ARSF: variants seen among roughly 807,000 people sequenced by gnomAD.
ARSF encodes the protein arylsulfatase F.
In ARSF, 33 loss-of-function variants were observed where a neutral mutation model predicts 35.4. The observed-to-expected ratio is 0.93, with a 90% CI of 0.71 to 1.25. The LOEUF (loss-of-function observed/expected upper bound fraction) is 1.25, where lower values mean the gene tolerates loss of function less well. Among genes scored for constraint, ARSF ranks in the 50% most tolerant of loss-of-function variants. The pLI is 0.00. For missense variants in ARSF, 501 were observed against 480.2 expected (o/e 1.04, Z -0.40); for synonymous variants, 222 against 193.1 (o/e 1.15, Z -1.24).
chrX:3,043,944 C>T (rs767078749), intron 1 of ARSF, among the ~76,000 whole-genome samples: 27 of 110,621 alleles, frequency 2.4e-4, no homozygotes, highest in Non-Finnish European at 4.2e-4. Flanking sequence ...TACTATCTCG[C>T]CCAGCTAATT....
chrX:3,109,780 AGG>A (rs965560475), intron 9 of ARSF, among the ~76,000 whole-genome samples: 2 of 112,365 alleles, frequency 1.8e-5, no homozygotes, highest in African/African-American at 6.5e-5. Flanking sequence ...ATTTTTTCAA[AGG>A]GTAGCAATAT....
At chrX:3,092,044 A>C (rs2090295626) in intron 7 of ARSF, among the ~76,000 whole-genome samples, 1 of 111,170 alleles carries the variant, frequency 9.0e-6, no homozygotes, top group Non-Finnish European at 1.9e-5. Flanking sequence ...GGATAGATAT[A>C]TAGATAAGTA....
At chrX:3,076,503 C>T (rs1414867386) in intron 3 of ARSF, 45 bp from the exon 4 acceptor site, 2 of 1,159,145 alleles carry the variant, frequency 1.7e-6, no homozygotes, top group Admixed American at 2.6e-5. Flanking sequence ...CCCCCGCCCC[C>T]CACCTTTTCC....
chrX:3,040,330 C>A (rs1308312018), upstream of ARSF, among the ~76,000 whole-genome samples: 1 of 111,102 alleles, frequency 9.0e-6, no homozygotes, highest in African/African-American at 3.3e-5. Flanking sequence ...GGTTTCTCCT[C>A]CAGTGGAACC....
Position 3,084,758 on chromosome X carries a change from A to G in ARSF, c.830+92A>G, listed in dbSNP as rs989933249. The G allele has an allele frequency of 1.2e-5, 11 of 882,649 alleles. No homozygotes were observed. In the African/African-American group the frequency reaches 2.2e-4, roughly 18 times the overall value. The allele number at this position is 882,649 out of a possible 1,213,427, so 72.7% of individuals were successfully genotyped here. A position where few individuals can be genotyped will look rare whatever the true frequency, so the allele number is the denominator to read the frequency against. On this transcript the variant is annotated intron_variant, in intron 6 of 10. Coordinates refer to ENST00000381127, the MANE Select transcript of ARSF (RefSeq NM_001201539.2). ...GATCTGTAGGGTGATTGTAGTTTATAATAATCTATTGTACACTTCTAAATA... is the reference window on the plus strand; with the variant it reads ...GATCTGTAGGGTGATTGTAGTTTATGATAATCTATTGTACACTTCTAAATA...
chrX:3,078,588 C>G lies in ARSF; in HGVS notation c.283+1919C>G, dbSNP rs142131931. On this transcript the variant is annotated intron_variant, in intron 4 of 10. Coordinates refer to ENST00000381127, the MANE Select transcript of ARSF (RefSeq NM_001201539.2). ...AATCTCAGCTCATCACAGCCTCAAA[C>G]TCCAGGGCTCAAGCGATTCTCCCTC... 4.7e-3 allele frequency among the ~76,000 whole-genome samples: 528 copies of G among 111,251 alleles called. 3 individuals are homozygous for G. The highest frequency in any genetic ancestry group is 6.9e-3 in the Non-Finnish European group (364 of 53,055).
chrX:3,079,449 A>G (rs1353561523), intron 4 of ARSF, among the ~76,000 whole-genome samples: 11 of 103,989 alleles, frequency 1.1e-4, no homozygotes, highest in African/African-American at 3.9e-4. Context: ...GGTTCAAGCG[A>G]TTCTCCTGCC....
rs761836340 is a variant in ARSF, at chrX:3,101,015, T to A, written c.968-72T>A. The A allele has an allele frequency of 3.8e-6, 4 of 1,039,069 alleles. No individual in the cohort carries two copies. In the East Asian group the frequency reaches 1.2e-4, roughly 32 times the overall value. The allele number at this position is 1,039,069 out of a possible 1,213,427, so 85.6% of individuals were successfully genotyped here. The stretch of plus-strand genomic sequence containing the variant: ...TCCTTGTTTTCCTTTAGATAGCTCA[T>A]GCCCATTTGACTTAGGGGTGAAATA... On this transcript the variant is annotated intron_variant, in intron 7 of 10. Coordinates refer to ENST00000381127, the MANE Select transcript of ARSF (RefSeq NM_001201539.2).
intron 1 of ARSF, among the ~76,000 whole-genome samples, chrX:3,041,906 A>C (rs1298158464): frequency 1.8e-5 from 2 of 112,488 alleles, no homozygotes; most frequent in Non-Finnish European, 3.7e-5. Context: ...TTAATAAATA[A>C]GCTGGCTTTA....
intron 1 of ARSF, among the ~76,000 whole-genome samples, chrX:3,053,760 T>A (rs1369268297): frequency 4.4e-4 from 37 of 84,185 alleles, no homozygotes; most frequent in African/African-American, 1.9e-3. Flanking sequence ...CCTGGGTAAT[T>A]TTTTTTTTTT....
chrX:3,084,258 G>C lies in ARSF; in HGVS notation c.422G>C (p.Gly141Ala). The C allele has an allele frequency of 8.3e-7, 1 of 1,210,961 alleles. No homozygotes were observed. Among genetic ancestry groups the C allele is most frequent in the East Asian group, 3.0e-5 (1 of 33,836 alleles). ...TTGGTTTTAGGCAAATGGCACCAAGGCTTGAACTGCGACTCCCGAAGTGAC... is the reference window on the plus strand; with the variant it reads ...TTGGTTTTAGGCAAATGGCACCAAGCCTTGAACTGCGACTCCCGAAGTGAC... ...STGLIGKWHQ[G>A]LNCDSRSDQC... Residue 141 changes from glycine (G) to alanine (A), a missense_variant, in exon 6 of 11, where the codon GGC becomes GCC. Gly to Ala is a moderately conservative substitution (Grantham distance 60). Transcript: ENST00000381127.
At chrX:3,109,500 A>G (rs1369231891) in intron 9 of ARSF, among the ~76,000 whole-genome samples, 1 of 111,089 alleles carries the variant, frequency 9.0e-6, no homozygotes, top group Non-Finnish European at 1.9e-5. Context: ...ATTTGGATAT[A>G]TTGTGTGATG....
chrX:3,040,700 T>C (rs1269351851), upstream of ARSF, among the ~76,000 whole-genome samples: 1 of 110,595 alleles, frequency 9.0e-6, no homozygotes, highest in Non-Finnish European at 1.9e-5. Context: ...GGGGATTGAC[T>C]CCTGCCATGA....
intron 7 of ARSF, among the ~76,000 whole-genome samples, chrX:3,095,050 A>C (rs1046830955): frequency 2.6e-4 from 28 of 108,633 alleles, no homozygotes; most frequent in Non-Finnish European, 4.8e-4. Context: ...TTGGAGGCTG[A>C]TGTGGCAGGA....
intron 7 of ARSF, among the ~76,000 whole-genome samples, chrX:3,099,337 A>G (rs772646048): frequency 8.1e-5 from 9 of 111,300 alleles, no homozygotes; most frequent in Admixed American, 3.9e-4. Context: ...CCAACCAACA[A>G]AACCCCTACT....
chrX:3,102,951 T>C (rs2090388930), intron 8 of ARSF, among the ~76,000 whole-genome samples: 2 of 111,208 alleles, frequency 1.8e-5, no homozygotes, highest in African/African-American at 6.5e-5. Context: ...CATGACATAA[T>C]GTAGATTTTA....
rs964937154 is a variant in ARSF, at chrX:3,059,475, C to T, written c.-28-8598C>T. ...TGGGTGCAGCCCACAGAGGGCAAGCCGAAACAGGGCAGGGCATTGCCTCAC... is the reference window on the plus strand; with the variant it reads ...TGGGTGCAGCCCACAGAGGGCAAGCTGAAACAGGGCAGGGCATTGCCTCAC... On this transcript the variant is annotated intron_variant, in intron 1 of 10. Coordinates refer to ENST00000381127, the MANE Select transcript of ARSF (RefSeq NM_001201539.2). Among the ~76,000 whole-genome samples, 22 of 112,221 alleles carry T rather than the reference C, an allele frequency of 2.0e-4. No homozygotes were observed. The South Asian group carries it at 2.2e-3, about 11-fold the overall frequency.
At position 3,112,231 on chromosome X, in the gene ARSF, G is replaced by A. The variant is rs2090450403; in HGVS notation, c.1448G>A (p.Gly483Asp). The change falls in exon 11 of 11, where the codon GGT becomes GAT. Residue 483 changes from glycine (G) to aspartate (D), a missense_variant. Coordinates refer to ENST00000381127, the MANE Select transcript of ARSF (RefSeq NM_001201539.2). ...VTPVFQPPAS[G>D]GCYVTSLCRC... ...CCGGTATTCCAGCCACCAGCTTCTG[G>A]TGGCTGCTATGTCACCTCATTATGC... 8.3e-7 allele frequency: 1 copy of A among 1,208,316 alleles called. No individual in the cohort carries two copies. Among genetic ancestry groups the A allele is most frequent in the Non-Finnish European group, 1.1e-6 (1 of 894,659 alleles).
At chrX:3,109,899 A>G (rs770997382) in intron 9 of ARSF, among the ~76,000 whole-genome samples, 1 of 111,881 alleles carries the variant, frequency 8.9e-6, no homozygotes, top group East Asian at 2.8e-4. Context: ...TGGGGCATGC[A>G]TTGTCACATT....
Sources: allele counts gnomAD v4.1 joint callset (sites outside exome capture counted in the v4.1 genomes callset), GRCh38; gene constraint gnomAD v4.1.1; transcripts MANE v1.5; gene names NCBI Gene and HGNC (gene_info 2026-07-23, HGNC 2026-07-21).